NALCN: variants seen among roughly 807,000 people sequenced by gnomAD.
NALCN encodes the protein sodium leak channel, non-selective.
NALCN carries 111 observed loss-of-function variants against 225.3 expected under a neutral mutation model. That is an observed-to-expected ratio of 0.49 (90% CI 0.42 to 0.58). NALCN has a LOEUF of 0.58. NALCN is among the 20% of genes least tolerant of loss of function. The probability of loss-of-function intolerance (pLI) is 0.00; values close to 1 mark genes in which losing one functional copy is unlikely to be tolerated. For synonymous variants in NALCN, 764 were observed against 769.0 expected (o/e 0.99, Z 0.11); for missense variants, 1,378 against 2,202.4 (o/e 0.63, Z 7.49).
chr13:101,393,214 T>C (rs1479584876), intron 3 of NALCN, among the ~76,000 whole-genome samples: 1 of 152,146 alleles, frequency 6.6e-6, no homozygotes, highest in Non-Finnish European at 1.5e-5. Context: ...TAAAATCCCA[T>C]CTAACCTCAC....
intron 30 of NALCN, among the ~76,000 whole-genome samples, chr13:101,088,967 G>T (rs1447553728): frequency 2.7e-5 from 4 of 148,912 alleles, no homozygotes; most frequent in African/African-American, 7.4e-5. Flanking sequence ...GTGTGATCTC[G>T]GCTCACTGCA....
intron 7 of NALCN, among the ~76,000 whole-genome samples, chr13:101,322,442 T>C (rs564137396): frequency 6.6e-6 from 1 of 152,370 alleles, no homozygotes; most frequent in Admixed American, 6.5e-5. Flanking sequence ...TATGTTTTTA[T>C]ATTAATTCCA....
intron 1 of NALCN, among the ~76,000 whole-genome samples, chr13:101,400,392 G>A (rs1394732979): frequency 6.6e-6 from 1 of 152,098 alleles, no homozygotes; most frequent in Admixed American, 6.6e-5. Context: ...GCAAAAAAAA[G>A]AGGCTGAGTC....
intron 15 of NALCN, among the ~76,000 whole-genome samples, chr13:101,150,946 A>G (rs930664057): frequency 1.3e-5 from 2 of 152,214 alleles, no homozygotes; most frequent in African/African-American, 4.8e-5. Context: ...AACAGTACAA[A>G]GGAAGTTTAT....
chr13:101,354,098 C>T (rs1029455565), intron 6 of NALCN, among the ~76,000 whole-genome samples: 1 of 152,300 alleles, frequency 6.6e-6, no homozygotes. Flanking sequence ...AATCCCAGCA[C>T]TTTGGGAGGC....
intron 30 of NALCN, 128 bp from the exon 31 acceptor site, chr13:101,083,932 G>C: frequency 1.3e-6 from 1 of 745,522 alleles, no homozygotes; most frequent in South Asian, 2.7e-5. Context: ...TTCCAACCGT[G>C]GTGGTGAGAG....
chr13:101,371,483 T>C (rs1390803447), intron 6 of NALCN, among the ~76,000 whole-genome samples: 2 of 152,158 alleles, frequency 1.3e-5, no homozygotes, highest in Non-Finnish European at 2.9e-5. Context: ...TGTACCCAGC[T>C]TGATCAACTC....
At position 101,124,632 on chromosome 13, in the gene NALCN, T is replaced by C. The variant is rs765001821; in HGVS notation, c.2168A>G (p.Glu723Gly). The C allele has an allele frequency of 1.9e-6, 3 of 1,614,098 alleles. No homozygotes were observed. In the East Asian group the frequency reaches 6.7e-5, roughly 36 times the overall value. ...CCTTAAGATTTTAGTGACTGCGGTC[T>C]CCTTTTCCAGAAGGTTCCTTGCCCT... ...SIRARNLLEKETAVTKILRAC... is the reference protein window; with the variant it reads ...SIRARNLLEKGTAVTKILRAC... Residue 723 changes from glutamate to glycine, a missense_variant, in exon 18 of 44, where the codon GAG becomes GGG. By Grantham distance (98) the Glu-to-Gly change is moderately conservative (BLOSUM62 -2). Coordinates refer to ENST00000251127, the MANE Select transcript of NALCN (RefSeq NM_052867.4).
intron 17 of NALCN, among the ~76,000 whole-genome samples, chr13:101,137,734 T>C (rs545464068): frequency 2.0e-4 from 30 of 152,232 alleles, no homozygotes; most frequent in Non-Finnish European, 3.5e-4. Context: ...GTTAAATTTA[T>C]GTAAAAGTCT....
chr13:101,119,991 T>C (rs144434491), intron 18 of NALCN, among the ~76,000 whole-genome samples: 2 of 152,216 alleles, frequency 1.3e-5, no homozygotes, highest in East Asian at 3.9e-4. Context: ...TCTCAAAACA[T>C]CAATTAATTT....
At chr13:101,287,152 C>T (rs756465420) in intron 9 of NALCN, among the ~76,000 whole-genome samples, 3 of 152,116 alleles carry the variant, frequency 2.0e-5, no homozygotes, top group Admixed American at 6.6e-5. Context: ...TTTCTAAAAG[C>T]GGACTTTCTT....
intron 7 of NALCN, among the ~76,000 whole-genome samples, chr13:101,340,551 C>G (rs529907107): frequency 3.3e-5 from 5 of 152,140 alleles, no homozygotes; most frequent in Non-Finnish European, 5.9e-5. Flanking sequence ...CTCAGTTGCT[C>G]TTTACATTAA....
At chr13:101,145,152 TTA>T (rs780573621) in intron 15 of NALCN, among the ~76,000 whole-genome samples, 8 of 152,102 alleles carry the variant, frequency 5.3e-5, no homozygotes, top group Non-Finnish European at 8.8e-5. Context: ...AAGGAAAACT[TTA>T]TGTCATTTTA....
intron 6 of NALCN, among the ~76,000 whole-genome samples, chr13:101,348,158 T>C (rs1466662618): frequency 3.3e-5 from 5 of 152,162 alleles, no homozygotes; most frequent in African/African-American, 1.2e-4. Flanking sequence ...TCTGTCTACA[T>C]GAAAAAGTTT....
chr13:101,374,448 G>A (rs896979133), intron 6 of NALCN, among the ~76,000 whole-genome samples: 6 of 151,648 alleles, frequency 4.0e-5, no homozygotes, highest in East Asian at 2.0e-4. Flanking sequence ...CACCATGCCC[G>A]GCTAATTTTC....
chr13:101,203,074 C>A (rs1384913471), intron 13 of NALCN, among the ~76,000 whole-genome samples: 1 of 152,100 alleles, frequency 6.6e-6, no homozygotes, highest in Admixed American at 6.6e-5. Context: ...TTTTGAAAAT[C>A]AAAATAACAT....
intron 15 of NALCN, among the ~76,000 whole-genome samples, chr13:101,172,703 G>C (rs55814435): frequency 0.073 from 11,145 of 152,136 alleles, 542 homozygotes; most frequent in East Asian, 0.22. Context: ...GGGACTACAG[G>C]TGCCCGCCAC....
rs1285959310 is a variant in NALCN at position 101,059,836 on chromosome 13, G to A, written c.4887C>T (p.Asp1629=). The change falls in exon 42 of 44, where the codon GAC becomes GAT. Residue 1629 remains aspartate, a synonymous_variant. Transcript: ENST00000251127. The part of the protein sequence containing the change: ...PSEDTNANSQ[D]NSMQPETSSQ... The stretch of plus-strand genomic sequence containing the variant: ...CCCATACCTCAGGTTGCATGCTGTT[G>A]TCCTGACTGTTGGCATTCGTGTCCT... 1 of 1,613,882 alleles carries A rather than the reference G, an allele frequency of 6.2e-7. No homozygotes were observed. Among genetic ancestry groups the A allele is most frequent in the East Asian group, 2.2e-5 (1 of 44,876 alleles).
chr13:101,388,438 T>G (rs2047053650), intron 3 of NALCN, among the ~76,000 whole-genome samples: 1 of 152,008 alleles, frequency 6.6e-6, no homozygotes, highest in African/African-American at 2.4e-5. Context: ...AAAAAAATTT[T>G]GGTTGTAGTA....
Sources: allele counts gnomAD v4.1 joint callset (sites outside exome capture counted in the v4.1 genomes callset), GRCh38; gene constraint gnomAD v4.1.1; transcripts MANE v1.5; gene names NCBI Gene and HGNC (gene_info 2026-07-23, HGNC 2026-07-21).